The following SLC13A3 variants were observed in gnomAD, a reference collection of about 807,000 sequenced individuals.
The protein encoded by SLC13A3 is Na(+)/dicarboxylate cotransporter 3.
SLC13A3 carries 40 observed loss-of-function variants against 59.0 expected under a neutral mutation model. That is an observed-to-expected ratio of 0.68 (90% CI 0.53 to 0.88). The LOEUF is 0.88. SLC13A3 is among the 40% of genes least tolerant of loss of function. The pLI is 0.00. For synonymous variants in SLC13A3, 317 were observed against 330.3 expected (o/e 0.96, Z 0.44); for missense variants, 699 against 783.2 (o/e 0.89, Z 1.28).
At chr20:46,674,610 T>TGTGTGC (rs1568967092), upstream of SLC13A3, among the ~76,000 whole-genome samples, 1 of 138,096 alleles carries the variant, frequency 7.2e-6, no homozygotes. Context: ...CGCGCGTGTG[T>TGTGTGC]GTGTGTGTGT....
At chr20:46,590,395 G>GA (rs1169539604) in intron 6 of SLC13A3, among the ~76,000 whole-genome samples, 2 of 151,272 alleles carry the variant, frequency 1.3e-5, no homozygotes, top group African/African-American at 2.4e-5. Context: ...GACAAATCAG[G>GA]AAAAAAAATG....
At chr20:46,660,602 G>A (rs142453000) in intron 1 of SLC13A3, among the ~76,000 whole-genome samples, 363 of 152,216 alleles carry the variant, frequency 2.4e-3, no homozygotes, top group African/African-American at 8.3e-3. Context: ...TGACTGAAAC[G>A]TTTAGGTGTA....
chr20:46,592,605 G>A, intron 5 of SLC13A3, 76 bp from the exon 6 acceptor site: 1 of 1,481,004 alleles, frequency 6.8e-7, no homozygotes, highest in African/African-American at 1.4e-5. Context: ...GGACCAGGCA[G>A]TACTAGTAGC....
chr20:46,632,031 T>G (rs576031195), intron 1 of SLC13A3, among the ~76,000 whole-genome samples: 11 of 152,214 alleles, frequency 7.2e-5, no homozygotes, highest in African/African-American at 2.6e-4. Flanking sequence ...CAGCTGGCAT[T>G]TTTGTCAGGG....
intron 8 of SLC13A3, among the ~76,000 whole-genome samples, chr20:46,587,347 G>A (rs567257462): frequency 1.6e-4 from 24 of 152,152 alleles, no homozygotes; most frequent in South Asian, 8.3e-4. Context: ...TCCAATGGCT[G>A]CCCACTGCTC....
At chr20:46,632,564 G>A (rs2062750768) in intron 1 of SLC13A3, among the ~76,000 whole-genome samples, 1 of 152,204 alleles carries the variant, frequency 6.6e-6, no homozygotes, top group Middle Eastern at 3.4e-3. Flanking sequence ...AAGCAGAGAA[G>A]CCTATGGGTT....
At chr20:46,601,725 C>G (rs1238798816) in intron 3 of SLC13A3, among the ~76,000 whole-genome samples, 4 of 152,254 alleles carry the variant, frequency 2.6e-5, no homozygotes, top group Non-Finnish European at 4.4e-5. Context: ...GACTTTGAAC[C>G]AAGACCTGAA....
upstream of SLC13A3, among the ~76,000 whole-genome samples, chr20:46,652,140 T>C (rs2062956167): frequency 6.6e-6 from 1 of 152,190 alleles, no homozygotes; most frequent in African/African-American, 2.4e-5. Context: ...TAATGGGCAC[T>C]AGGCTTAATA....
chr20:46,600,418 GAAGGA>G (rs1376647182), intron 3 of SLC13A3, among the ~76,000 whole-genome samples: 68 of 133,278 alleles, frequency 5.1e-4, no homozygotes, highest in South Asian at 1.3e-3. Context: ...AGGAAGGAAG[GAAGGA>G]AAGGAAGGAA....
At chr20:46,571,596 T>G (rs1340984777) in intron 10 of SLC13A3, among the ~76,000 whole-genome samples, 1 of 152,126 alleles carries the variant, frequency 6.6e-6, no homozygotes, top group Non-Finnish European at 1.5e-5. Context: ...GTCTTCTAGG[T>G]GCCTAGAACA....
Position 46,600,006 on chromosome 20 carries a change from C to T in SLC13A3, c.573G>A (p.Val191=). ...TGGCGAGAAACTGCATCTCCGTGGG[C>T]ACAGTGTGTAGGCCGTTTCTCCGCA... ...AAVRRNGLHT[V]PTEMQFLAST... is the part of the protein sequence containing the mutation. The change falls in exon 4 of 13, where the codon GTG becomes GTA. Residue 191 remains valine, a synonymous_variant. Transcript: ENST00000279027. 1 of 1,590,778 alleles carries T rather than the reference C, an allele frequency of 6.3e-7. No individual in the cohort carries two copies. Among genetic ancestry groups the T allele is most frequent in the Non-Finnish European group, 8.6e-7 (1 of 1,163,536 alleles).
At chr20:46,594,888 C>T (rs143705750) in intron 5 of SLC13A3, among the ~76,000 whole-genome samples, 21 of 152,236 alleles carry the variant, frequency 1.4e-4, no homozygotes, top group African/African-American at 5.1e-4. Context: ...TGTGGCCAAA[C>T]ATGGGTGTAC....
intron 1 of SLC13A3, among the ~76,000 whole-genome samples, chr20:46,626,333 C>T (rs1325930540): frequency 2.0e-4 from 31 of 151,264 alleles, no homozygotes; most frequent in Admixed American, 1.7e-3. Context: ...CTCACTCCCC[C>T]TCCCTTTCTC....
intron 11 of SLC13A3, among the ~76,000 whole-genome samples, chr20:46,565,440 G>A (rs1243176780): frequency 6.6e-6 from 1 of 151,984 alleles, no homozygotes; most frequent in Non-Finnish European, 1.5e-5. Context: ...TTTTGAGACA[G>A]GATCTGGATC....
intron 9 of SLC13A3, among the ~76,000 whole-genome samples, chr20:46,577,989 A>C (rs13043053): frequency 7.6e-6 from 1 of 131,260 alleles, no homozygotes; most frequent in East Asian, 2.2e-4. Flanking sequence ...CTATTTATTT[A>C]TTTTTTATTT....
intron 1 of SLC13A3, among the ~76,000 whole-genome samples, chr20:46,660,138 A>T (rs953421335): frequency 4.3e-4 from 65 of 152,368 alleles, no homozygotes; most frequent in African/African-American, 1.5e-3. Context: ...TATAAATAAA[A>T]GATAAATGTA....
At chr20:46,589,322 G>T in intron 6 of SLC13A3, 67 bp from the exon 7 acceptor site, 1 of 1,355,736 alleles carries the variant, frequency 7.4e-7, no homozygotes, top group East Asian at 2.3e-5. Flanking sequence ...CCTACAACAA[G>T]CACCACCACC....
intron 5 of SLC13A3, among the ~76,000 whole-genome samples, chr20:46,593,104 C>T (rs1012510183): frequency 3.3e-5 from 5 of 152,110 alleles, no homozygotes; most frequent in Admixed American, 6.6e-5. Context: ...CTCTGCTGAA[C>T]GGTGTCCAAT....
At chr20:46,665,568 C>T (rs906019798) in intron 1 of SLC13A3, among the ~76,000 whole-genome samples, 14 of 152,202 alleles carry the variant, frequency 9.2e-5, no homozygotes, top group African/African-American at 3.1e-4. Context: ...TCACAGCACG[C>T]ATTGGTACTA....
Sources: gnomAD v4.1 joint callset for allele counts (sites outside exome capture counted in the v4.1 genomes callset) on GRCh38, gnomAD v4.1.1 for gene constraint, MANE v1.5 for transcripts, NCBI Gene and HGNC (gene_info 2026-07-23, HGNC 2026-07-21) for gene names.